STXBP4: variants seen among roughly 807,000 people sequenced by gnomAD.
STXBP4 encodes syntaxin-binding protein 4.
STXBP4 carries 55 observed loss-of-function variants against 76.1 expected under a neutral mutation model. The observed-to-expected ratio is 0.72, with a 90% CI of 0.58 to 0.91. STXBP4 has a LOEUF of 0.91. Ranked by LOEUF, STXBP4 falls within the 40% of genes least tolerant of loss-of-function variation. The pLI is 0.00. For missense variants in STXBP4, 618 were observed against 636.9 expected, an observed-to-expected ratio of 0.97 and a Z score of 0.32; for synonymous variants, 201 against 220.2, an observed-to-expected ratio of 0.91 and a Z score of 0.77.
chr17:55,043,370 GAA>G lies in STXBP4; in HGVS notation c.945+49_945+50del, dbSNP rs757487038. ...CCTTATGTTTTCTTCAGAAAAAAAA[GAA>G]AAAGAAAAAAATCCTATATTGGATT... On this transcript the variant is annotated intron_variant, in intron 11 of 17. Transcript: ENST00000376352. The G allele has an allele frequency of 1.0e-5, 12 of 1,168,778 alleles. No individual in the cohort carries two copies. The South Asian group carries it at 2.4e-4, about 23-fold the overall frequency. 72.4% of individuals were successfully genotyped at this position (1,168,778 alleles called of 1,614,324 possible). A position where few individuals can be genotyped will look rare whatever the true frequency, so the allele number is the denominator to read the frequency against.
At chr17:55,107,024 G>T (rs187176606) in intron 16 of STXBP4, among the ~76,000 whole-genome samples, 32 of 152,310 alleles carry the variant, frequency 2.1e-4, no homozygotes, top group Admixed American at 2.0e-3. Flanking sequence ...ATATCCTGAA[G>T]AGTATTTTCC....
intron 8 of STXBP4, among the ~76,000 whole-genome samples, chr17:55,020,459 T>C (rs2078290231): frequency 6.6e-6 from 1 of 152,166 alleles, no homozygotes; most frequent in South Asian, 2.1e-4. Flanking sequence ...GTTTGTTTGT[T>C]TGTTTGTTTG....
chr17:55,056,337 T>G (rs1217949430), intron 12 of STXBP4, among the ~76,000 whole-genome samples: 2 of 152,208 alleles, frequency 1.3e-5, no homozygotes, highest in Non-Finnish European at 1.5e-5. Flanking sequence ...TCTCAATTTT[T>G]ACACTGAATT....
intron 1 of STXBP4, among the ~76,000 whole-genome samples, chr17:54,973,526 G>T (rs1425186223): frequency 6.6e-6 from 1 of 152,190 alleles, no homozygotes; most frequent in African/African-American, 2.4e-5. Context: ...GATACAAGGA[G>T]TTCTTATGAT....
At chr17:55,150,670 A>G (rs2080206305) in intron 17 of STXBP4, among the ~76,000 whole-genome samples, 1 of 152,174 alleles carries the variant, frequency 6.6e-6, no homozygotes, top group Non-Finnish European at 1.5e-5. Context: ...AGCAAGTTTT[A>G]GGCAAATTGC....
intron 8 of STXBP4, among the ~76,000 whole-genome samples, chr17:55,015,419 G>A (rs1014969657): frequency 2.0e-5 from 3 of 152,098 alleles, no homozygotes; most frequent in African/African-American, 7.2e-5. Flanking sequence ...CCAAACTCTT[G>A]GGCTGCAGTT....
chr17:55,042,362 A>C (rs1449289896), intron 10 of STXBP4, among the ~76,000 whole-genome samples: 1 of 152,130 alleles, frequency 6.6e-6, no homozygotes, highest in Non-Finnish European at 1.5e-5. Context: ...AGTCTTTAGC[A>C]ATGCATCTGC....
chr17:55,186,205 T>A, the STXBP4 span, among the ~76,000 whole-genome samples: 3 of 152,230 alleles, frequency 2.0e-5, no homozygotes, highest in Non-Finnish European at 4.4e-5. Flanking sequence ...TAGCTTGGGA[T>A]AAATGCAATT....
intron 16 of STXBP4, among the ~76,000 whole-genome samples, chr17:55,098,047 T>G (rs2079515319): frequency 6.6e-6 from 1 of 152,226 alleles, no homozygotes. Context: ...ATTGTCATTG[T>G]GTAAAAGGAT....
chr17:55,057,155 A>C (rs1332846922), intron 12 of STXBP4, among the ~76,000 whole-genome samples: 1 of 152,176 alleles, frequency 6.6e-6, no homozygotes, highest in Non-Finnish European at 1.5e-5. Flanking sequence ...AGAAAATGTA[A>C]ATCACACTGC....
intron 12 of STXBP4, among the ~76,000 whole-genome samples, chr17:55,054,680 C>T (rs931068769): frequency 6.6e-6 from 1 of 151,934 alleles, no homozygotes; most frequent in Non-Finnish European, 1.5e-5. Flanking sequence ...GGATCCTTCA[C>T]AATAACATTA....
chr17:55,025,865 T>G (rs2078402841), intron 8 of STXBP4, among the ~76,000 whole-genome samples: 1 of 152,232 alleles, frequency 6.6e-6, no homozygotes, highest in South Asian at 2.1e-4. Flanking sequence ...CCAGATGATG[T>G]GATCTTGTAT....
chr17:54,991,079 C>A (rs2077709899), intron 4 of STXBP4, 122 bp downstream of exon 4: 3 of 1,112,304 alleles, frequency 2.7e-6, no homozygotes, highest in Non-Finnish European at 3.6e-6. Flanking sequence ...GTGAAAAATA[C>A]AAAGGAATTA....
the STXBP4 span, among the ~76,000 whole-genome samples, chr17:55,193,213 G>C: frequency 6.6e-6 from 1 of 152,286 alleles, no homozygotes; most frequent in East Asian, 1.9e-4. Context: ...GCTTAGAAAA[G>C]ATTGAGTTCA....
At chr17:55,105,437 G>C (rs1458574468) in intron 16 of STXBP4, among the ~76,000 whole-genome samples, 1 of 150,768 alleles carries the variant, frequency 6.6e-6, no homozygotes, top group Admixed American at 6.6e-5. Context: ...GCAATTTCAA[G>C]TGAATTTCTT....
chr17:55,121,905 C>T (rs574955270), intron 16 of STXBP4, among the ~76,000 whole-genome samples: 31 of 151,992 alleles, frequency 2.0e-4, no homozygotes, highest in Non-Finnish European at 2.9e-4. Flanking sequence ...GCCCCCAAGA[C>T]GAAATGTGTA....
intron 16 of STXBP4, among the ~76,000 whole-genome samples, chr17:55,131,615 A>T (rs868253250): frequency 2.0e-5 from 3 of 152,240 alleles, no homozygotes; most frequent in African/African-American, 7.2e-5. Flanking sequence ...CTGGATAGCA[A>T]CTTTACCACC....
intron 8 of STXBP4, among the ~76,000 whole-genome samples, chr17:55,008,886 A>G (rs781396167): frequency 4.9e-4 from 75 of 152,128 alleles, no homozygotes; most frequent in Non-Finnish European, 9.4e-4. Flanking sequence ...TTTCTTGCAC[A>G]CCAAAGTGCC....
the STXBP4 span, among the ~76,000 whole-genome samples, chr17:55,202,892 A>G: frequency 6.6e-6 from 1 of 152,238 alleles, no homozygotes; most frequent in East Asian, 1.9e-4. Context: ...AGTCTGGAGG[A>G]TGGGCATAAG....
Sources: gnomAD v4.1 joint callset for allele counts (sites outside exome capture counted in the v4.1 genomes callset) on GRCh38, gnomAD v4.1.1 for gene constraint, MANE v1.5 for transcripts, NCBI Gene and HGNC (gene_info 2026-07-23, HGNC 2026-07-21) for gene names.